The following ATP10B variants were observed in gnomAD, a reference collection of about 807,000 sequenced individuals.
ATP10B encodes the protein phospholipid-transporting ATPase VB.
In ATP10B, 122 loss-of-function variants were observed where a neutral mutation model predicts 141.2. The ratio of observed to expected loss-of-function variants is 0.86; its 90% CI spans 0.75 to 1.00. The LOEUF is 1.00. Ranked by LOEUF, ATP10B falls within the 50% of genes least tolerant of loss-of-function variation. The pLI, the probability that ATP10B is intolerant of heterozygous loss-of-function variation, is 0.00. For synonymous variants in ATP10B, 685 were observed against 692.0 expected (o/e 0.99, Z 0.16); for missense variants, 1,876 against 1,825.3 (o/e 1.03, Z -0.51).
At chr5:160,800,953 G>T (rs1174601832) in intron 1 of ATP10B, among the ~76,000 whole-genome samples, 1 of 152,126 alleles carries the variant, frequency 6.6e-6, no homozygotes, top group African/African-American at 2.4e-5. Context: ...TATTAAATAG[G>T]TTTGTAATGT....
At chr5:160,803,389 C>T (rs1318720549) in intron 1 of ATP10B, among the ~76,000 whole-genome samples, 3 of 152,098 alleles carry the variant, frequency 2.0e-5, no homozygotes, top group Non-Finnish European at 2.9e-5. Flanking sequence ...TAGGAAGAGG[C>T]TACTTGGGCC....
chr5:160,737,281 A>T (rs193220302), intron 2 of ATP10B, among the ~76,000 whole-genome samples: 69 of 152,284 alleles, frequency 4.5e-4, no homozygotes, highest in African/African-American at 1.5e-3. Flanking sequence ...TATATGACAG[A>T]CCCTCAACTG....
the ATP10B span, among the ~76,000 whole-genome samples, chr5:160,897,160 C>G: frequency 6.6e-6 from 1 of 152,170 alleles, no homozygotes; most frequent in African/African-American, 2.4e-5. Context: ...TCTCACCACT[C>G]CTATTCAACA....
the ATP10B span, among the ~76,000 whole-genome samples, chr5:160,876,369 G>T: frequency 6.7e-6 from 1 of 148,884 alleles, no homozygotes; most frequent in Non-Finnish European, 1.5e-5. Context: ...CAGGATCTCT[G>T]GGACACATTC....
At chr5:160,653,020 ATATATTTATATATT>A (rs1277989651) in intron 7 of ATP10B, among the ~76,000 whole-genome samples, 2 of 102,186 alleles carry the variant, frequency 2.0e-5, no homozygotes, top group East Asian at 2.4e-4. Context: ...TATTTATATT[ATATATTTATATATT>A]TATATTTATG....
intron 2 of ATP10B, among the ~76,000 whole-genome samples, chr5:160,735,358 C>G: frequency 6.6e-6 from 1 of 151,944 alleles, no homozygotes; most frequent in Non-Finnish European, 1.5e-5. Flanking sequence ...ATACTTATGT[C>G]AGACAAAATA....
intron 18 of ATP10B, among the ~76,000 whole-genome samples, chr5:160,608,929 AATTT>A (rs1245647341): frequency 2.0e-5 from 3 of 152,220 alleles, no homozygotes; most frequent in African/African-American, 7.2e-5. Flanking sequence ...GGAGCTCTTT[AATTT>A]AATTAGATCC....
At chr5:160,790,093 T>C (rs1426471589) in intron 1 of ATP10B, among the ~76,000 whole-genome samples, 1 of 152,068 alleles carries the variant, frequency 6.6e-6, no homozygotes, top group African/African-American at 2.4e-5. Flanking sequence ...TCCAAGTTGA[T>C]CCCCCAGAGG....
intron 24 of ATP10B, among the ~76,000 whole-genome samples, chr5:160,578,536 G>T (rs991822220): frequency 6.6e-6 from 1 of 151,986 alleles, no homozygotes; most frequent in Non-Finnish European, 1.5e-5. Context: ...TTTTATGGTT[G>T]CATAGTATTC....
chr5:160,754,770 A>T (rs116808990), intron 2 of ATP10B, among the ~76,000 whole-genome samples: 6,455 of 152,272 alleles, frequency 0.042, 193 homozygotes, highest in Non-Finnish European at 0.061. Context: ...CTGGCACTAA[A>T]AGAAGGCACT....
chr5:160,758,771 A>C (rs1045687355), intron 2 of ATP10B, among the ~76,000 whole-genome samples: 3 of 152,210 alleles, frequency 2.0e-5, no homozygotes, highest in African/African-American at 2.4e-5. Context: ...CATGGGAGTC[A>C]AGATTTAGAT....
intron 10 of ATP10B, among the ~76,000 whole-genome samples, chr5:160,639,772 C>T (rs1274564951): frequency 6.6e-6 from 1 of 152,150 alleles, no homozygotes; most frequent in African/African-American, 2.4e-5. Flanking sequence ...ATTATATTTA[C>T]AGTGCACTTT....
intron 2 of ATP10B, among the ~76,000 whole-genome samples, chr5:160,753,399 G>T (rs1411616126): frequency 6.6e-6 from 1 of 152,162 alleles, no homozygotes; most frequent in African/African-American, 2.4e-5. Context: ...TGGCAGGAGG[G>T]TTAAAGAAGT....
rs377608948 is a variant in ATP10B, at chr5:160,681,006, T to C, written c.470+5073A>G. Among the ~76,000 whole-genome samples, 12 of 152,298 alleles carry C rather than the reference T, an allele frequency of 7.9e-5. No homozygotes were observed. In the East Asian group the frequency reaches 2.3e-3, roughly 29 times the overall value. ...GTCTCCCTGAGAGTTAAGATGACAC[T>C]GAGGAGGGCTGAATGAAAAGGATTG... On this transcript the variant is annotated intron_variant, in intron 6 of 25. Transcript: ENST00000327245.
chr5:160,756,978 A>G (rs1183144269), intron 2 of ATP10B, among the ~76,000 whole-genome samples: 1 of 152,094 alleles, frequency 6.6e-6, no homozygotes, highest in Non-Finnish European at 1.5e-5. Context: ...TGATTTTTTT[A>G]AACAGTTCAC....
chr5:160,805,955 C>T (rs1581567013), intron 1 of ATP10B, among the ~76,000 whole-genome samples: 1 of 152,182 alleles, frequency 6.6e-6, no homozygotes, highest in East Asian at 1.9e-4. Flanking sequence ...AGCCCTAAGG[C>T]CTCAGAACCA....
Position 160,565,263 on chromosome 5 carries a change from G to C in ATP10B, c.*190C>G, listed in dbSNP as rs1754461619. Reference sequence around the variant, plus strand: ...GCTGCCTGAGAGCAGCAGAAAACTAGAGGCCGACTGGGTTTCCCGTCTTTG... The same window carrying C: ...GCTGCCTGAGAGCAGCAGAAAACTACAGGCCGACTGGGTTTCCCGTCTTTG... On this transcript the variant is annotated 3_prime_UTR_variant, in exon 26 of 26. Transcript: ENST00000327245. 1 of 610,070 alleles carries C rather than the reference G, an allele frequency of 1.6e-6. No homozygotes were observed. Among genetic ancestry groups the C allele is most frequent in the Non-Finnish European group, 2.9e-6 (1 of 348,454 alleles). The allele number at this position is 610,070 out of a possible 1,614,324, so 37.8% of individuals were successfully genotyped here.
intron 2 of ATP10B, among the ~76,000 whole-genome samples, chr5:160,759,785 T>C (rs1314888850): frequency 6.6e-6 from 1 of 152,236 alleles, no homozygotes; most frequent in Non-Finnish European, 1.5e-5. Context: ...AATTATTTTC[T>C]TTTCGGAAAC....
intron 16 of ATP10B, among the ~76,000 whole-genome samples, chr5:160,617,235 C>T (rs1485964927): frequency 2.6e-5 from 4 of 152,226 alleles, no homozygotes; most frequent in Non-Finnish European, 5.9e-5. Context: ...AATTCGCAGC[C>T]CTCACTGCCT....
Sources: allele counts gnomAD v4.1 joint callset (sites outside exome capture counted in the v4.1 genomes callset), GRCh38; gene constraint gnomAD v4.1.1; transcripts MANE v1.5; gene names NCBI Gene and HGNC (gene_info 2026-07-23, HGNC 2026-07-21).